The following LY75 variants were observed in gnomAD, a reference collection of about 807,000 sequenced individuals.
LY75 encodes the protein C-type lectin domain family 13 member B.
A neutral mutation model predicts 231.7 loss-of-function variants in LY75; 185 were observed. The ratio of observed to expected loss-of-function variants is 0.80; its 90% CI spans 0.71 to 0.90. LY75 has a LOEUF of 0.90. LY75 is among the 40% of genes least tolerant of loss of function. The probability of loss-of-function intolerance (pLI) is 0.00; values close to 1 mark genes in which losing one functional copy is unlikely to be tolerated. For missense variants in LY75, 1,947 were observed against 2,050.2 expected, an observed-to-expected ratio of 0.95 and a Z score of 0.97; for synonymous variants, 668 against 689.0, an observed-to-expected ratio of 0.97 and a Z score of 0.48.
intron 14 of LY75, among the ~76,000 whole-genome samples, chr2:159,864,120 G>A (rs765762000): frequency 7.2e-5 from 11 of 152,066 alleles, no homozygotes; most frequent in African/African-American, 2.7e-4. Context: ...AGTGATGTAC[G>A]ACTGTATTTT....
At chr2:159,825,227 GAA>G (rs1180367175) in intron 28 of LY75, among the ~76,000 whole-genome samples, 1 of 152,020 alleles carries the variant, frequency 6.6e-6, no homozygotes, top group African/African-American at 2.4e-5. Context: ...TAATAAAGAA[GAA>G]AAGAGATAAG....
chr2:159,886,336 C>T, intron 5 of LY75, 84 bp downstream of exon 5: 2 of 1,396,032 alleles, frequency 1.4e-6, no homozygotes, highest in Non-Finnish European at 1.9e-6. Flanking sequence ...AGATGTGAAA[C>T]TTTTCTAAGC....
At chr2:159,890,800 C>T (rs915033220) in intron 3 of LY75, among the ~76,000 whole-genome samples, 1 of 152,140 alleles carries the variant, frequency 6.6e-6, no homozygotes. Context: ...TGTGTGTGCA[C>T]AGACATGCTG....
At chr2:159,814,679 A>G (rs148848321) in intron 31 of LY75, among the ~76,000 whole-genome samples, 121 of 150,270 alleles carry the variant, frequency 8.1e-4, no homozygotes, top group African/African-American at 2.9e-3. Context: ...AAAAGAAAAG[A>G]TAAGAAAAGA....
chr2:159,830,234 A>C (rs1242985322), intron 28 of LY75, among the ~76,000 whole-genome samples: 1 of 152,164 alleles, frequency 6.6e-6, no homozygotes, highest in African/African-American at 2.4e-5. Context: ...TAGAGAGCAA[A>C]GGAGAAGCCT....
intron 31 of LY75, among the ~76,000 whole-genome samples, chr2:159,811,028 C>CT (rs1491445334): frequency 6.6e-6 from 1 of 151,920 alleles, no homozygotes; most frequent in Non-Finnish European, 1.5e-5. Flanking sequence ...CTTTGGATTC[C>CT]TTTTTTTGTT....
intron 20 of LY75, 49 bp from the exon 21 acceptor site, chr2:159,852,389 T>C (rs1274888439): frequency 6.4e-7 from 1 of 1,567,258 alleles, no homozygotes; most frequent in Non-Finnish European, 8.6e-7. Context: ...TTTCAGTCAG[T>C]ACATTTTTAT....
chr2:159,859,006 G>C (rs1684622179), intron 15 of LY75, among the ~76,000 whole-genome samples: 1 of 152,168 alleles, frequency 6.6e-6, no homozygotes, highest in Non-Finnish European at 1.5e-5. Flanking sequence ...CAAGTTTCTG[G>C]GGGTTCTGTG....
In LY75 at chr2:159,804,861, G is replaced by A. The variant is rs1323957607; in HGVS notation, c.*183C>T. ...GAGTCCCCTCCATTCTATTAATTAG[G>A]GTGATAAACATGGCATTTAGCAGGG... On this transcript the variant is annotated 3_prime_UTR_variant, in exon 35 of 35. Transcript: ENST00000263636. The A allele has an allele frequency of 6.0e-6, 3 of 498,784 alleles. No individual in the cohort carries two copies. Among genetic ancestry groups the A allele is most frequent in the Non-Finnish European group, 1.1e-5 (3 of 277,176 alleles). The allele number at this position is 498,784 out of a possible 1,614,324, so 30.9% of individuals were successfully genotyped here. A position where few individuals can be genotyped will look rare whatever the true frequency, so the allele number is the denominator to read the frequency against.
chr2:159,807,057 T>C lies in LY75; in HGVS notation c.4906A>G (p.Ser1636Gly), dbSNP rs114367686. 3.6e-4 allele frequency: 574 copies of C among 1,613,998 alleles called. 3 individuals carry two copies. The African/African-American group carries it at 6.3e-3, about 18-fold the overall frequency. Reference sequence around the variant, plus strand: ...GTTTCATTTGAAGCTATCAACATGCTACATCTTCCAACACCACTCTTACTT... The same window carrying C: ...GTTTCATTTGAAGCTATCAACATGCCACATCTTCCAACACCACTCTTACTT... ...NKSKSGVGRC[S>G]MLIASNETWK... The change falls in exon 34 of 35, where the codon AGC becomes GGC. Residue 1636 changes from serine to glycine, a missense_variant. Transcript: ENST00000263636.
At chr2:159,860,185 T>A (rs1684663662) in intron 15 of LY75, among the ~76,000 whole-genome samples, 1 of 152,186 alleles carries the variant, frequency 6.6e-6, no homozygotes. Flanking sequence ...TGCCTTCCAA[T>A]CTTACCTGTT....
At chr2:159,869,187 A>G (rs1684938568) in intron 13 of LY75, among the ~76,000 whole-genome samples, 1 of 152,080 alleles carries the variant, frequency 6.6e-6, no homozygotes, top group African/African-American at 2.4e-5. Flanking sequence ...ATTAGGAGAA[A>G]TACCTAATGT....
In LY75 at chr2:159,810,598, T is replaced by A; in HGVS notation, c.4627A>T (p.Lys1543Ter). Reference sequence around the variant, plus strand: ...TGATCAGACTTGTAACAGTGACCCTTGTACTGGATCCACCGTGACCCATTC... The same window carrying A: ...TGATCAGACTTGTAACAGTGACCCTAGTACTGGATCCACCGTGACCCATTC... Reference protein sequence around the residue: ...KENGSRWIQYKGHCYKSDQAL... With the variant: ...KENGSRWIQY Residue 1543 changes from lysine to a stop codon, truncating the protein, a stop_gained, in exon 32 of 35, where the codon AAG becomes TAG. Transcript: ENST00000263636. LOFTEE classifies it high-confidence loss of function. 2 of 1,614,166 alleles carry A rather than the reference T, an allele frequency of 1.2e-6. No individual in the cohort carries two copies. Among genetic ancestry groups the A allele is most frequent in the Non-Finnish European group, 1.7e-6 (2 of 1,180,024 alleles).
chr2:159,859,574 T>C (rs1014349310), intron 15 of LY75, among the ~76,000 whole-genome samples: 4 of 152,232 alleles, frequency 2.6e-5, no homozygotes, highest in Admixed American at 1.3e-4. Context: ...ATTCAAAATA[T>C]CTGAACTAAA....
intron 28 of LY75, among the ~76,000 whole-genome samples, chr2:159,821,938 G>A (rs909749299): frequency 5.3e-5 from 8 of 152,144 alleles, no homozygotes; most frequent in Admixed American, 2.6e-4. Flanking sequence ...GCAAGGGGTC[G>A]GGGAATTTTC....
intron 1 of LY75, chr2:159,903,749 A>G (rs1214212983): frequency 1.3e-5 from 2 of 152,242 alleles, no homozygotes; most frequent in Non-Finnish European, 2.9e-5. Flanking sequence ...CAACCAAGAA[A>G]CAAAGTTCTC....
chr2:159,895,665 G>A (rs1367418072), intron 2 of LY75, among the ~76,000 whole-genome samples: 1 of 152,136 alleles, frequency 6.6e-6, no homozygotes, highest in Non-Finnish European at 1.5e-5. Context: ...AATGAGAATG[G>A]GCTCTCTCTG....
Position 159,878,579 on chromosome 2 carries a change from G to T in LY75, c.1604+54C>A, listed in dbSNP as rs1560096809. The T allele has an allele frequency of 1.9e-6, 3 of 1,612,650 alleles. No individual in the cohort carries two copies. In the East Asian group the frequency reaches 6.7e-5, roughly 36 times the overall value. On this transcript the variant is annotated intron_variant, in intron 10 of 34. Coordinates refer to ENST00000263636, the MANE Select transcript of LY75 (RefSeq NM_002349.4). Reference sequence around the variant, plus strand: ...ACCTTTTACTTAGGAAGACTGTTTGGCAAAAGAATTCAGAGTTGAAAGTTT... The same window carrying T: ...ACCTTTTACTTAGGAAGACTGTTTGTCAAAAGAATTCAGAGTTGAAAGTTT...
intron 28 of LY75, 147 bp downstream of exon 28, chr2:159,831,523 T>G (rs893171215): frequency 4.8e-6 from 4 of 830,380 alleles, no homozygotes; most frequent in Non-Finnish European, 7.5e-6. Context: ...ACATAAAAAC[T>G]GTCTTGGTAT....
Sources: gnomAD v4.1 joint callset for allele counts (sites outside exome capture counted in the v4.1 genomes callset) on GRCh38, gnomAD v4.1.1 for gene constraint, MANE v1.5 for transcripts, NCBI Gene and HGNC (gene_info 2026-07-23, HGNC 2026-07-21) for gene names.